RWDD2B: variants seen among roughly 807,000 people sequenced by gnomAD.
RWDD2B encodes RWD domain containing 2B.
Under a neutral mutation model 33.6 loss-of-function variants are expected in RWDD2B, and 36 were observed. That is an observed-to-expected ratio of 1.07 (90% CI 0.82 to 1.42). RWDD2B has a LOEUF of 1.42. Ranked by LOEUF, RWDD2B falls within the 40% of genes most tolerant of loss-of-function variation. The probability of loss-of-function intolerance (pLI) is 0.00; values close to 1 mark genes in which losing one functional copy is unlikely to be tolerated. For missense variants in RWDD2B, 364 were observed against 377.5 expected, an observed-to-expected ratio of 0.96 and a Z score of 0.30; for synonymous variants, 126 against 133.1, an observed-to-expected ratio of 0.95 and a Z score of 0.37.
At chr21:29,011,525 C>T (rs1192511778) in intron 1 of RWDD2B, among the ~76,000 whole-genome samples, 3 of 146,392 alleles carry the variant, frequency 2.0e-5, no homozygotes, top group East Asian at 2.0e-4. Flanking sequence ...CCACCTCGTC[C>T]GGAAGGGAGG....
rs1392815254 is a variant in RWDD2B, at chr21:29,005,375, G to A, written c.*1042C>T. 2.6e-5 allele frequency: 4 copies of A among 152,178 alleles called. No homozygotes were observed. The highest frequency in any genetic ancestry group is 2.1e-4 in the South Asian group (1 of 4,832). The allele number at this position is 152,178 out of a possible 1,614,324, so 9.4% of individuals were successfully genotyped here. On this transcript the variant is annotated 3_prime_UTR_variant, in exon 5 of 5. Coordinates refer to ENST00000493196, the MANE Select transcript of RWDD2B (RefSeq NM_016940.3). ...TCACCTATTTGTGTATCAAAAGGCT[G>A]GGGTAAATGCAAAACTAAAGCTCTG... is the stretch of plus-strand genomic sequence containing the variant.
rs777156438 is a variant in RWDD2B at position 29,008,499 on chromosome 21, C to T, written c.190G>A (p.Val64Ile). 6.2e-7 allele frequency: 1 copy of T among 1,614,198 alleles called. No individual in the cohort carries two copies. The highest frequency in any genetic ancestry group is 1.1e-5 in the South Asian group (1 of 91,090). Reference protein sequence around the residue: ...NELIVNDQLAVAELKDCIEKK... With the variant: ...NELIVNDQLAIAELKDCIEKK... Reference sequence around the variant, plus strand: ...TCAATACAATCTTTCAGTTCTGCTACAGCCAGCTGGTCATTCACTATGAGC... The same window carrying T: ...TCAATACAATCTTTCAGTTCTGCTATAGCCAGCTGGTCATTCACTATGAGC... Residue 64 changes from valine to isoleucine, a missense_variant, in exon 2 of 5, where the codon GTA (valine) becomes ATA (isoleucine). Coordinates refer to ENST00000493196, the MANE Select transcript of RWDD2B (RefSeq NM_016940.3).
chr21:29,009,459 T>C (rs2084846094), intron 1 of RWDD2B: 1 of 147,606 alleles, frequency 6.8e-6, no homozygotes, highest in Non-Finnish European at 1.5e-5. Context: ...AGTGGCGCAA[T>C]CTTGGTTCAC....
Position 29,008,484 on chromosome 21 carries a change from C to T in RWDD2B, c.205G>A (p.Asp69Asn). ...TCCATTGTCTTCTTTTCAATACAATCTTTCAGTTCTGCTACAGCCAGCTGG... is the reference window on the plus strand; with the variant it reads ...TCCATTGTCTTCTTTTCAATACAATTTTTCAGTTCTGCTACAGCCAGCTGG... ...NDQLAVAELK[D>N]CIEKKTMEGR... The change falls in exon 2 of 5, where the codon GAT becomes AAT. Residue 69 changes from aspartate (D) to asparagine (N), a missense_variant. Physicochemically the swap from Asp to Asn is conservative, Grantham distance 23 (BLOSUM62 1). Transcript: ENST00000493196. 6.2e-7 allele frequency: 1 copy of T among 1,614,156 alleles called. No homozygotes were observed. Among genetic ancestry groups the T allele is most frequent in the Non-Finnish European group, 8.5e-7 (1 of 1,180,024 alleles).
intron 1 of RWDD2B, among the ~76,000 whole-genome samples, chr21:29,015,285 C>A (rs902258604): frequency 3.5e-5 from 4 of 115,266 alleles, no homozygotes; most frequent in African/African-American, 1.3e-4. Context: ...GGCTGGAGTA[C>A]AATGGTGCAA....
intron 1 of RWDD2B, among the ~76,000 whole-genome samples, chr21:29,018,129 A>G (rs575670326): frequency 6.6e-6 from 1 of 152,314 alleles, no homozygotes; most frequent in South Asian, 2.1e-4. Flanking sequence ...GGTGGCTTTG[A>G]TAGGATTATA....
chr21:29,008,306 G>A lies in RWDD2B; in HGVS notation c.296C>T (p.Ala99Val), dbSNP rs149192196. The change falls in exon 3 of 5, where the codon GCG (alanine) becomes GTG (valine). Residue 99 changes from alanine to valine, a missense_variant and splice_region_variant. Coordinates refer to ENST00000493196, the MANE Select transcript of RWDD2B (RefSeq NM_016940.3). Reference protein sequence around the residue: ...MNLDVSDEKMAMFSLACILPF... With the variant: ...MNLDVSDEKMVMFSLACILPF... Reference sequence around the variant, plus strand: ...AAGAATACAGGCCAGAGAAAACATCGCCTGATTAAAGAGAAGAAGAAAAAG... The same window carrying A: ...AAGAATACAGGCCAGAGAAAACATCACCTGATTAAAGAGAAGAAGAAAAAG... 30 of 1,613,876 alleles carry A rather than the reference G, an allele frequency of 1.9e-5. No individual in the cohort carries two copies. The highest frequency in any genetic ancestry group is 1.6e-4 in the Middle Eastern group (1 of 6,084).
intron 1 of RWDD2B, among the ~76,000 whole-genome samples, chr21:29,009,025 C>T (rs1314350035): frequency 6.6e-6 from 1 of 152,156 alleles, no homozygotes; most frequent in Non-Finnish European, 1.5e-5. Flanking sequence ...CTAGAATGAA[C>T]AAAGTCAGTC....
At chr21:29,015,302 C>G (rs2084884769) in intron 1 of RWDD2B, among the ~76,000 whole-genome samples, 1 of 121,758 alleles carries the variant, frequency 8.2e-6, no homozygotes, top group Non-Finnish European at 1.6e-5. Context: ...GCAATCTTGG[C>G]TTATTGCAAC....
chr21:29,013,110 G>A (rs570870270), intron 1 of RWDD2B, among the ~76,000 whole-genome samples: 5 of 149,868 alleles, frequency 3.3e-5, no homozygotes, highest in South Asian at 4.2e-4. Context: ...GCAGTGGTGC[G>A]ATTATAGCTC....
intron 4 of RWDD2B, among the ~76,000 whole-genome samples, chr21:29,006,853 A>T (rs1443762417): frequency 6.6e-6 from 1 of 152,172 alleles, no homozygotes; most frequent in Admixed American, 6.5e-5. Context: ...GCTGCAAGTG[A>T]TACTCTGGCC....
At chr21:29,007,058 A>C (rs1452268376) in intron 4 of RWDD2B, among the ~76,000 whole-genome samples, 1 of 152,250 alleles carries the variant, frequency 6.6e-6, no homozygotes, top group Non-Finnish European at 1.5e-5. Flanking sequence ...ATCCCAAACT[A>C]CTATGGACCT....
chr21:29,019,103 G>C (rs1226805799), intron 1 of RWDD2B, 108 bp downstream of exon 1: 13 of 908,920 alleles, frequency 1.4e-5, no homozygotes, highest in East Asian at 1.1e-4. Flanking sequence ...GCAGTGAGGG[G>C]AACCGGGGCC....
intron 1 of RWDD2B, among the ~76,000 whole-genome samples, chr21:29,013,923 T>G (rs550290115): frequency 6.6e-6 from 1 of 152,280 alleles, no homozygotes; most frequent in Non-Finnish European, 1.5e-5. Context: ...GAATATTAAA[T>G]GTTCACAATT....
chr21:29,012,345 G>C (rs2084868393), intron 1 of RWDD2B, among the ~76,000 whole-genome samples: 1 of 152,286 alleles, frequency 6.6e-6, no homozygotes, highest in South Asian at 2.1e-4. Context: ...GGAAAGGTGG[G>C]GAAAAGATTG....
chr21:29,012,203 C>T (rs1284504293), intron 1 of RWDD2B, among the ~76,000 whole-genome samples: 1 of 150,916 alleles, frequency 6.6e-6, no homozygotes, highest in Non-Finnish European at 1.5e-5. Flanking sequence ...TGAGGGGCGC[C>T]TCTGCCCGGC....
At position 29,012,635 on chromosome 21, in the gene RWDD2B, C is replaced by T. The variant is rs572311134; in HGVS notation, c.68-4014G>A. Among the ~76,000 whole-genome samples, 1,440 of 151,882 alleles carry T rather than the reference C, an allele frequency of 9.5e-3. 24 individuals are homozygous for T. The highest frequency in any genetic ancestry group is 0.033 in the African/African-American group (1,359 of 41,406). On this transcript the variant is annotated intron_variant, in intron 1 of 4. Transcript: ENST00000493196. ...CAAGTACCCAGGGACACAAACACTG[C>T]GGAAGGCCGCAGGGTCCTCTGCCTA...
intron 1 of RWDD2B, among the ~76,000 whole-genome samples, chr21:29,011,606 A>G (rs867022375): frequency 0.016 from 934 of 56,790 alleles, 2 homozygotes; most frequent in Non-Finnish European, 0.021. Context: ...TCAGCCCCCC[A>G]CCCGGCCAGC....
In RWDD2B at chr21:29,011,896, G is replaced by A. The variant is rs1466061152; in HGVS notation, c.68-3275C>T. On this transcript the variant is annotated intron_variant, in intron 1 of 4. Transcript: ENST00000493196. The stretch of plus-strand genomic sequence containing the variant: ...CGCCCCGTCCGGGAGGGAGGTTGGG[G>A]GGTCAGCCCCCCGCCTGGCCAGCCG... Among the ~76,000 whole-genome samples the A allele has an allele frequency of 5.8e-4, 74 of 127,630 alleles. 5 individuals are homozygous for A. Among genetic ancestry groups the A allele is most frequent in the African/African-American group, 1.2e-3 (39 of 33,412 alleles). The allele number at this position is 127,630 out of a possible 152,430, so 83.7% of individuals were successfully genotyped here. A position where few individuals can be genotyped will look rare whatever the true frequency, so the allele number is the denominator to read the frequency against.
Sources: gnomAD v4.1 joint callset for allele counts (sites outside exome capture counted in the v4.1 genomes callset) on GRCh38, gnomAD v4.1.1 for gene constraint, MANE v1.5 for transcripts, NCBI Gene and HGNC (gene_info 2026-07-23, HGNC 2026-07-21) for gene names.